FEZ2: variants seen among roughly 807,000 people sequenced by gnomAD.
The protein encoded by FEZ2 is fasciculation and elongation protein zeta-2.
A neutral mutation model predicts 40.4 loss-of-function variants in FEZ2; 51 were observed. The ratio of observed to expected loss-of-function variants is 1.26; its 90% CI spans 1.01 to 1.59. FEZ2 has a LOEUF of 1.59. FEZ2 is among the 40% of genes most tolerant of loss of function. The probability of loss-of-function intolerance (pLI) is 0.00; values close to 1 mark genes in which losing one functional copy is unlikely to be tolerated. For synonymous variants in FEZ2, 242 were observed against 172.0 expected (o/e 1.41, Z -3.18); for missense variants, 640 against 438.3 (o/e 1.46, Z -4.11).
At chr2:36,574,883 CTT>C (rs1217278708) in intron 5 of FEZ2, among the ~76,000 whole-genome samples, 2 of 152,188 alleles carry the variant, frequency 1.3e-5, no homozygotes, top group African/African-American at 4.8e-5. Context: ...CTGCCACTCT[CTT>C]GAGTTGCACT....
Position 36,595,697 on chromosome 2 carries a change from C to T in FEZ2, c.266+2180G>A, listed in dbSNP as rs551691676. Among the ~76,000 whole-genome samples, 20 of 152,234 alleles carry T rather than the reference C, an allele frequency of 1.3e-4. No individual in the cohort carries two copies. In the South Asian group the frequency reaches 4.1e-3, roughly 32 times the overall value. ...CTAGTGAAAAGGGAACTGGAACAGA[C>T]TATCAAGCAATGATGAGTATGTTTT... On this transcript the variant is annotated intron_variant, in intron 1 of 7. Coordinates refer to ENST00000405912, the MANE Select transcript of FEZ2 (RefSeq NM_005102.3).
At chr2:36,573,764 T>C (rs140701332) in intron 5 of FEZ2, among the ~76,000 whole-genome samples, 5 of 152,328 alleles carry the variant, frequency 3.3e-5, no homozygotes, top group African/African-American at 4.8e-5. Flanking sequence ...ATAAACATAA[T>C]AGGCAACTCA....
At chr2:36,597,665 C>T (rs1007098057) in intron 1 of FEZ2, among the ~76,000 whole-genome samples, 1 of 152,194 alleles carries the variant, frequency 6.6e-6, no homozygotes. Flanking sequence ...GGTACCGAGG[C>T]GGAGGTTTTC....
rs1485670513 is a variant in FEZ2, at chr2:36,552,725, T to C, written c.*438A>G. 1 of 192,862 alleles carries C rather than the reference T, an allele frequency of 5.2e-6. No individual in the cohort carries two copies. The highest frequency in any genetic ancestry group is 1.4e-4 in the East Asian group (1 of 7,092). The allele number at this position is 192,862 out of a possible 1,614,324, so 11.9% of individuals were successfully genotyped here. On this transcript the variant is annotated 3_prime_UTR_variant, in exon 8 of 8. Transcript: ENST00000405912. ...CTCTCTGAACAATACTGGTAGGTAA[T>C]AGTTACACTGACAATTCTCACAAAA...
intron 5 of FEZ2, among the ~76,000 whole-genome samples, chr2:36,565,163 A>C (rs1212299273): frequency 6.6e-6 from 1 of 152,168 alleles, no homozygotes; most frequent in East Asian, 1.9e-4. Context: ...CTGAAATTCA[A>C]CTATTTATAT....
chr2:36,592,644 CAAAAAAA>C (rs34717975), intron 1 of FEZ2, among the ~76,000 whole-genome samples: 50 of 74,574 alleles, frequency 6.7e-4, no homozygotes, highest in South Asian at 2.6e-3. Flanking sequence ...CACATCTCTA[CAAAAAAA>C]AAAAAAAAAA....
chr2:36,563,463 C>T (rs1668146187), intron 5 of FEZ2, among the ~76,000 whole-genome samples: 1 of 151,494 alleles, frequency 6.6e-6, no homozygotes, highest in Non-Finnish European at 1.5e-5. Flanking sequence ...GTTCAATCGC[C>T]TCTTGATCCA....
intron 1 of FEZ2, among the ~76,000 whole-genome samples, chr2:36,591,987 A>G (rs958570355): frequency 6.6e-6 from 1 of 152,226 alleles, no homozygotes; most frequent in Admixed American, 6.5e-5. Context: ...ACCAAAATTC[A>G]GGTTTCAATA....
chr2:36,579,891 G>A lies in FEZ2; in HGVS notation c.635-1026C>T, dbSNP rs1041450752. On this transcript the variant is annotated intron_variant, in intron 4 of 7. Transcript: ENST00000405912. ...ACAGGGCCTCAGAATGTGGAGAGGG[G>A]GTCTTTAAAGAGGTAAATTAAGGTT... Among the ~76,000 whole-genome samples, 4 of 152,054 alleles carry A rather than the reference G, an allele frequency of 2.6e-5. No individual in the cohort carries two copies. The East Asian group carries it at 7.7e-4, about 29-fold the overall frequency.
At chr2:36,595,988 C>T (rs1306088516) in intron 1 of FEZ2, among the ~76,000 whole-genome samples, 2 of 152,178 alleles carry the variant, frequency 1.3e-5, no homozygotes, top group African/African-American at 4.8e-5. Context: ...AACCCAAATA[C>T]ATAATACATC....
intron 5 of FEZ2, among the ~76,000 whole-genome samples, chr2:36,572,231 G>A (rs938553518): frequency 2.6e-5 from 4 of 152,064 alleles, no homozygotes; most frequent in East Asian, 1.9e-4. Context: ...CAGCACAGAG[G>A]TCTGCTGTTA....
At chr2:36,554,044 A>G (rs1533947) in intron 7 of FEZ2, 108,234 of 309,520 alleles carry the variant, frequency 0.35, 19,872 homozygotes, top group East Asian at 0.58. Context: ...TACAGTCTCC[A>G]CTGTAGTCTA....
intron 5 of FEZ2, among the ~76,000 whole-genome samples, chr2:36,577,875 C>A (rs1668621632): frequency 6.6e-6 from 1 of 152,140 alleles, no homozygotes; most frequent in South Asian, 2.1e-4. Context: ...AAAGAGATGT[C>A]CCATTTAGAA....
chr2:36,587,511 C>G (rs1045376791), intron 2 of FEZ2, among the ~76,000 whole-genome samples: 2 of 152,078 alleles, frequency 1.3e-5, no homozygotes, highest in African/African-American at 2.4e-5. Flanking sequence ...TGAAAGATAC[C>G]AGTTGCCTTA....
At chr2:36,575,902 T>C (rs1668556391) in intron 5 of FEZ2, among the ~76,000 whole-genome samples, 1 of 151,764 alleles carries the variant, frequency 6.6e-6, no homozygotes, top group African/African-American at 2.4e-5. Flanking sequence ...TGAAGAAAAA[T>C]GGAAGCTATT....
chr2:36,587,592 CA>C (rs1468224340), intron 2 of FEZ2, among the ~76,000 whole-genome samples: 1 of 152,186 alleles, frequency 6.6e-6, no homozygotes, highest in Non-Finnish European at 1.5e-5. Context: ...TTTAAAACTG[CA>C]ATCTAGCAAA....
chr2:36,590,917 G>T lies in FEZ2; in HGVS notation c.361C>A (p.Leu121Ile). ...TRTLHLLTLN[L>I]SEKGVSDSLL... The stretch of plus-strand genomic sequence containing the variant: ...TCCTAACTTACCCCTTTTTCTGAGA[G>T]GTTCAGAGTAAGCAAGTGCAAGGTC... Residue 121 changes from leucine (L) to isoleucine (I), a missense_variant, in exon 2 of 8, where the codon CTC becomes ATC. Transcript: ENST00000405912. The T allele has an allele frequency of 6.3e-7, 1 of 1,596,996 alleles. No homozygotes were observed. Among genetic ancestry groups the T allele is most frequent in the Non-Finnish European group, 8.6e-7 (1 of 1,164,638 alleles).
chr2:36,552,309 C>G lies in FEZ2; in HGVS notation c.*854G>C. 2.4e-6 allele frequency: 1 copy of G among 418,088 alleles called. No homozygotes were observed. The highest frequency in any genetic ancestry group is 4.7e-6 in the Non-Finnish European group (1 of 211,294). 25.9% of individuals were successfully genotyped at this position (418,088 alleles called of 1,614,324 possible). On this transcript the variant is annotated 3_prime_UTR_variant, in exon 8 of 8. Coordinates refer to ENST00000405912, the MANE Select transcript of FEZ2 (RefSeq NM_005102.3). ...ATGCCATTGATTTGACTGGAACCAG[C>G]AAAAGTGCTCATGATATTGATGAAT...
At chr2:36,571,970 G>A (rs997732502) in intron 5 of FEZ2, among the ~76,000 whole-genome samples, 3 of 143,960 alleles carry the variant, frequency 2.1e-5, no homozygotes, top group Admixed American at 7.3e-5. Context: ...AGCCGAGATC[G>A]CGCCCCTGCA....
Sources: allele counts gnomAD v4.1 joint callset (sites outside exome capture counted in the v4.1 genomes callset), GRCh38; gene constraint gnomAD v4.1.1; transcripts MANE v1.5; gene names NCBI Gene and HGNC (gene_info 2026-07-23, HGNC 2026-07-21).